Variants in RABGAP1L observed in about 807,000 individuals in gnomAD.
RABGAP1L encodes the protein rab GTPase-activating protein 1-like.
A neutral mutation model predicts 137.7 loss-of-function variants in RABGAP1L; 63 were observed. The ratio of observed to expected loss-of-function variants is 0.46; its 90% CI spans 0.37 to 0.56. RABGAP1L has a LOEUF of 0.56. Among genes scored for constraint, RABGAP1L ranks in the 20% least tolerant of loss-of-function variants. The pLI is 0.00. For synonymous variants in RABGAP1L, 431 were observed against 433.7 expected, an observed-to-expected ratio of 0.99 and a Z score of 0.08; for missense variants, 1,095 against 1,244.0, an observed-to-expected ratio of 0.88 and a Z score of 1.80.
intron 13 of RABGAP1L, among the ~76,000 whole-genome samples, chr1:174,527,822 T>C (rs1439926684): frequency 6.6e-6 from 1 of 151,970 alleles, no homozygotes; most frequent in East Asian, 1.9e-4. Context: ...TAGTGTTAGG[T>C]GCATATATTA....
intron 12 of RABGAP1L, among the ~76,000 whole-genome samples, chr1:174,391,354 G>GTTTC (rs1175005361): frequency 1.3e-5 from 2 of 152,156 alleles, no homozygotes; most frequent in Non-Finnish European, 2.9e-5. Flanking sequence ...TTGAGACAGA[G>GTTTC]TTTCACTCTG....
chr1:174,581,021 C>T (rs1054686699), intron 13 of RABGAP1L, among the ~76,000 whole-genome samples: 6 of 152,070 alleles, frequency 3.9e-5, no homozygotes, highest in Admixed American at 6.6e-5. Context: ...ATCAAAAAGT[C>T]GAGTGTTGGC....
intron 11 of RABGAP1L, among the ~76,000 whole-genome samples, chr1:174,339,700 A>G (rs1460892115): frequency 2.0e-5 from 3 of 151,530 alleles, no homozygotes; most frequent in East Asian, 1.9e-4. Context: ...TCTGCTTCCC[A>G]GGTTCAATTG....
At chr1:174,415,733 T>C (rs1358386875) in intron 13 of RABGAP1L, among the ~76,000 whole-genome samples, 1 of 152,028 alleles carries the variant, frequency 6.6e-6, no homozygotes, top group African/African-American at 2.4e-5. Flanking sequence ...CATTTAGATA[T>C]TCTAAGTAAG....
intron 13 of RABGAP1L, among the ~76,000 whole-genome samples, chr1:174,419,409 A>AT (rs2149158972): frequency 6.8e-6 from 1 of 147,326 alleles, no homozygotes; most frequent in South Asian, 2.1e-4. Flanking sequence ...TTTCTGAAAT[A>AT]TTTTTTGGAT....
chr1:174,661,845 A>G (rs1334358557), intron 14 of RABGAP1L, among the ~76,000 whole-genome samples: 2 of 152,226 alleles, frequency 1.3e-5, no homozygotes, highest in East Asian at 1.9e-4. Context: ...AGCGCAACAC[A>G]TTACTCACCT....
intron 11 of RABGAP1L, among the ~76,000 whole-genome samples, chr1:174,327,991 A>ATATATG (rs1680653036): frequency 7.9e-5 from 3 of 38,036 alleles, no homozygotes; most frequent in Admixed American, 2.2e-4. Context: ...ACACACATAT[A>ATATATG]TATATATATA....
At chr1:174,380,537 A>G (rs1270704319) in intron 12 of RABGAP1L, among the ~76,000 whole-genome samples, 1 of 152,096 alleles carries the variant, frequency 6.6e-6, no homozygotes, top group Non-Finnish European at 1.5e-5. Context: ...GTGTCAAGGA[A>G]TATATCCATT....
intron 17 of RABGAP1L, among the ~76,000 whole-genome samples, chr1:174,736,366 C>T (rs555983298): frequency 7.9e-4 from 120 of 152,346 alleles, no homozygotes; most frequent in Admixed American, 1.9e-3. Flanking sequence ...TGTCCCACAC[C>T]CTGGGCACAC....
chr1:174,540,622 C>T (rs1665311029), intron 13 of RABGAP1L, among the ~76,000 whole-genome samples: 1 of 152,144 alleles, frequency 6.6e-6, no homozygotes, highest in African/African-American at 2.4e-5. Context: ...GGTGTTATTT[C>T]TGAGGGCTCT....
intron 13 of RABGAP1L, among the ~76,000 whole-genome samples, chr1:174,489,670 C>G (rs1251745268): frequency 1.3e-5 from 2 of 152,130 alleles, no homozygotes; most frequent in Non-Finnish European, 2.9e-5. Flanking sequence ...CCAGCCATCC[C>G]ATTACTGGGT....
chr1:174,913,834 C>T (rs979028136), intron 19 of RABGAP1L, among the ~76,000 whole-genome samples: 2 of 152,088 alleles, frequency 1.3e-5, no homozygotes, highest in Non-Finnish European at 2.9e-5. Flanking sequence ...AAATGACTGG[C>T]CACTCATTGT....
chr1:174,294,042 T>A (rs942498386), intron 10 of RABGAP1L, among the ~76,000 whole-genome samples: 1 of 152,176 alleles, frequency 6.6e-6, no homozygotes, highest in Non-Finnish European at 1.5e-5. Flanking sequence ...TTCACAGCTG[T>A]ATAACCTTAG....
At chr1:174,441,396 A>G (rs1038240051) in intron 13 of RABGAP1L, among the ~76,000 whole-genome samples, 2 of 152,216 alleles carry the variant, frequency 1.3e-5, no homozygotes, top group African/African-American at 4.8e-5. Flanking sequence ...TGTTCATATT[A>G]TAATCCTATC....
At chr1:174,601,490 C>A (rs953733109) in intron 13 of RABGAP1L, among the ~76,000 whole-genome samples, 2 of 151,676 alleles carry the variant, frequency 1.3e-5, no homozygotes, top group African/African-American at 4.9e-5. Flanking sequence ...ACCCCGGGGC[C>A]TGTCGTGGGG....
intron 11 of RABGAP1L, among the ~76,000 whole-genome samples, chr1:174,345,647 G>A (rs1439862367): frequency 6.6e-6 from 1 of 152,128 alleles, no homozygotes; most frequent in East Asian, 1.9e-4. Flanking sequence ...TTTTTTGGTA[G>A]AGTCTTTAGT....
At chr1:174,730,956 T>C (rs1248611444) in intron 17 of RABGAP1L, among the ~76,000 whole-genome samples, 1 of 152,170 alleles carries the variant, frequency 6.6e-6, no homozygotes, top group Non-Finnish European at 1.5e-5. Flanking sequence ...CCTGAAGTGA[T>C]GGTAAGGAGT....
At chr1:174,688,500 G>T (rs989363445) in intron 15 of RABGAP1L, among the ~76,000 whole-genome samples, 2 of 151,854 alleles carry the variant, frequency 1.3e-5, no homozygotes, top group African/African-American at 2.4e-5. Flanking sequence ...AATTCCTTTC[G>T]AAACCAATTT....
intron 13 of RABGAP1L, among the ~76,000 whole-genome samples, chr1:174,526,857 T>C (rs183733926): frequency 1.0e-3 from 155 of 152,264 alleles, no homozygotes; most frequent in African/African-American, 3.4e-3. Context: ...TTTCTTCCTT[T>C]CTACCAATTT....
Sources: allele counts gnomAD v4.1 joint callset (sites outside exome capture counted in the v4.1 genomes callset), GRCh38; gene constraint gnomAD v4.1.1; transcripts MANE v1.5; gene names NCBI Gene and HGNC (gene_info 2026-07-23, HGNC 2026-07-21).